The following CLMP variants were observed in gnomAD, a reference collection of about 807,000 sequenced individuals.
CLMP encodes CXADR-like membrane protein.
A neutral mutation model predicts 45.2 loss-of-function variants in CLMP; 27 were observed. The observed-to-expected ratio is 0.60, with a 90% CI of 0.44 to 0.82. The LOEUF is 0.82. Among genes scored for constraint, CLMP ranks in the 40% least tolerant of loss-of-function variants. CLMP has a pLI of 0.00. For synonymous variants in CLMP, 167 were observed against 171.4 expected, an observed-to-expected ratio of 0.97 and a Z score of 0.20; for missense variants, 403 against 448.4, an observed-to-expected ratio of 0.90 and a Z score of 0.91.
intron 1 of CLMP, among the ~76,000 whole-genome samples, chr11:123,115,974 T>C (rs1214111988): frequency 6.6e-6 from 1 of 152,014 alleles, no homozygotes; most frequent in African/African-American, 2.4e-5. Context: ...AAGGCTCGCA[T>C]GAGGTGGAGG....
intron 3 of CLMP, 66 bp from the exon 4 acceptor site, chr11:123,083,913 A>G: frequency 6.4e-7 from 1 of 1,569,822 alleles, no homozygotes. Context: ...GATTCAATGG[A>G]AAAATTATGT....
intron 1 of CLMP, among the ~76,000 whole-genome samples, chr11:123,143,047 T>C (rs7127338): frequency 0.43 from 64,655 of 152,116 alleles, 14,837 homozygotes; most frequent in African/African-American, 0.6. Context: ...AGGGACAGTT[T>C]AAGAACCCAG....
chr11:123,126,562 G>A (rs1323342087), intron 1 of CLMP, among the ~76,000 whole-genome samples: 2 of 152,068 alleles, frequency 1.3e-5, no homozygotes, highest in African/African-American at 2.4e-5. Context: ...CTGGTCTCCT[G>A]CCTTTCTACT....
At chr11:123,188,679 C>A (rs144772432) in intron 1 of CLMP, 1 of 152,216 alleles carries the variant, frequency 6.6e-6, no homozygotes, top group Non-Finnish European at 1.5e-5. Flanking sequence ...GTCTTCTCAC[C>A]GCCAGGCTTT....
chr11:123,161,788 C>T (rs1861490191), intron 1 of CLMP, among the ~76,000 whole-genome samples: 1 of 152,228 alleles, frequency 6.6e-6, no homozygotes, highest in Non-Finnish European at 1.5e-5. Context: ...ACGAGCATCA[C>T]CATCATCTGG....
At chr11:123,114,451 T>TCC (rs1860692445) in intron 1 of CLMP, among the ~76,000 whole-genome samples, 3 of 53,534 alleles carry the variant, frequency 5.6e-5, no homozygotes, top group African/African-American at 1.4e-4. Context: ...TCCCTCCCTC[T>TCC]CTCCCTCCCT....
chr11:123,122,954 T>C (rs77987004), intron 1 of CLMP, among the ~76,000 whole-genome samples: 3,546 of 152,300 alleles, frequency 0.023, 51 homozygotes, highest in African/African-American at 0.034. Flanking sequence ...GAAGCCTTCA[T>C]GTCCAATAGA....
chr11:123,187,057 A>G (rs1861844510), intron 1 of CLMP, among the ~76,000 whole-genome samples: 1 of 152,242 alleles, frequency 6.6e-6, no homozygotes, highest in African/African-American at 2.4e-5. Flanking sequence ...CGTACCAAGC[A>G]GAGCGTTAAA....
At chr11:123,151,921 C>A (rs1224424072) in intron 1 of CLMP, among the ~76,000 whole-genome samples, 1 of 152,156 alleles carries the variant, frequency 6.6e-6, no homozygotes, top group African/African-American at 2.4e-5. Context: ...TCACTTCACT[C>A]CTGTTCTAAT....
At chr11:123,099,713 A>G (rs889261830) in intron 1 of CLMP, among the ~76,000 whole-genome samples, 3 of 152,128 alleles carry the variant, frequency 2.0e-5, no homozygotes, top group Non-Finnish European at 2.9e-5. Flanking sequence ...ATATTCAGTG[A>G]ATGGTAATAG....
At chr11:123,128,442 G>T (rs1017268981) in intron 1 of CLMP, among the ~76,000 whole-genome samples, 4 of 152,054 alleles carry the variant, frequency 2.6e-5, no homozygotes, top group African/African-American at 7.2e-5. Flanking sequence ...TGGGAGGATC[G>T]CTTGAGCCCA....
At chr11:123,167,339 G>T (rs547471653) in intron 1 of CLMP, among the ~76,000 whole-genome samples, 1 of 152,006 alleles carries the variant, frequency 6.6e-6, no homozygotes, top group East Asian at 1.9e-4. Flanking sequence ...TGGCTGGAAC[G>T]CAGTGGCACG....
At chr11:123,108,933 C>G (rs1304301597) in intron 1 of CLMP, among the ~76,000 whole-genome samples, 1 of 151,838 alleles carries the variant, frequency 6.6e-6, no homozygotes, top group Non-Finnish European at 1.5e-5. Flanking sequence ...ATGGCGCATG[C>G]CTATAATCCC....
At chr11:123,150,573 GAAGGAAGGA>G (rs991142193) in intron 1 of CLMP, among the ~76,000 whole-genome samples, 3 of 128,080 alleles carry the variant, frequency 2.3e-5, no homozygotes, top group African/African-American at 6.7e-5. Context: ...AGGAAGGAAG[GAAGGAAGGA>G]AAGGAAGGAA....
intron 2 of CLMP, among the ~76,000 whole-genome samples, chr11:123,087,517 A>T (rs1335628705): frequency 1.3e-5 from 2 of 150,698 alleles, no homozygotes; most frequent in Non-Finnish European, 3.0e-5. Context: ...TCAAAAAAAT[A>T]AAATGAAATA....
At chr11:123,104,468 TCCGCCTCC>T (rs945201006) in intron 1 of CLMP, among the ~76,000 whole-genome samples, 2 of 151,678 alleles carry the variant, frequency 1.3e-5, no homozygotes, top group African/African-American at 4.8e-5. Flanking sequence ...CGCTGTAACC[TCCGCCTCC>T]CAGGTTCAAA....
Position 123,083,173 on chromosome 11 carries a change from A to T in CLMP, c.591T>A (p.Asn197Lys). The change falls in exon 5 of 7, where the codon AAT becomes AAA. Residue 197 changes from asparagine to lysine, a missense_variant. By Grantham distance (94) the Asn-to-Lys change is moderately conservative. Transcript: ENST00000448775. ...YNHPGRVLLQ[N>K]LTMSYSGLYQ... is the part of the protein sequence containing the mutation. The stretch of plus-strand genomic sequence containing the variant: ...ACAGTCCAGAGTAGGACATGGTAAG[A>T]TTCTGCAGCAGAACTCGTCCAGGGT... 2 of 1,614,154 alleles carry T rather than the reference A, an allele frequency of 1.2e-6. No homozygotes were observed. Among genetic ancestry groups the T allele is most frequent in the South Asian group, 1.1e-5 (1 of 91,086 alleles).
At chr11:123,103,023 C>T (rs1030109189) in intron 1 of CLMP, among the ~76,000 whole-genome samples, 3 of 152,030 alleles carry the variant, frequency 2.0e-5, no homozygotes, top group Admixed American at 6.6e-5. Flanking sequence ...TGAGTGTAAC[C>T]CACACGCTCA....
intron 1 of CLMP, among the ~76,000 whole-genome samples, chr11:123,154,563 A>T (rs887074548): frequency 6.6e-6 from 1 of 152,150 alleles, no homozygotes; most frequent in African/African-American, 2.4e-5. Context: ...AGATATCATG[A>T]CATAAGAGAT....
Sources: gnomAD v4.1 joint callset for allele counts (sites outside exome capture counted in the v4.1 genomes callset) on GRCh38, gnomAD v4.1.1 for gene constraint, MANE v1.5 for transcripts, NCBI Gene and HGNC (gene_info 2026-07-23, HGNC 2026-07-21) for gene names.